Variants in ANKRD44 observed in about 807,000 individuals in gnomAD.
The protein encoded by ANKRD44 is serine/threonine-protein phosphatase 6 regulatory ankyrin repeat subunit B.
Under a neutral mutation model 116.0 loss-of-function variants are expected in ANKRD44, and 35 were observed. The ratio of observed to expected loss-of-function variants is 0.30; its 90% CI spans 0.23 to 0.40. ANKRD44 has a LOEUF of 0.40. ANKRD44 is among the 10% of genes least tolerant of loss of function. The pLI is 1.00. For synonymous variants in ANKRD44, 435 were observed against 461.8 expected (o/e 0.94, Z 0.74); for missense variants, 1,014 against 1,242.6 (o/e 0.82, Z 2.77).
chr2:197,136,358 T>C (rs1044728608), intron 4 of ANKRD44: 12 of 548,322 alleles, frequency 2.2e-5, no homozygotes, highest in Admixed American at 6.3e-5. Context: ...TGAGAACTCA[T>C]TGAAATTCAG....
At position 197,050,323 on chromosome 2, in the gene ANKRD44, G is replaced by A. The variant is rs567570264; in HGVS notation, c.1651-25056C>T. ...AACACTGACCATTACAATTGAACACGAGATTTGAGTGGGGACACATATCCA... is the reference window on the plus strand; with the variant it reads ...AACACTGACCATTACAATTGAACACAAGATTTGAGTGGGGACACATATCCA... On this transcript the variant is annotated intron_variant, in intron 16 of 27. Transcript: ENST00000282272. 4.6e-5 allele frequency among the ~76,000 whole-genome samples: 7 copies of A among 152,172 alleles called. No individual in the cohort carries two copies. The East Asian group carries it at 1.2e-3, about 25-fold the overall frequency.
chr2:197,236,713 C>CAAAAAAAAAAAAAA (rs71012964), intron 1 of ANKRD44, among the ~76,000 whole-genome samples: 7 of 105,232 alleles, frequency 6.7e-5, no homozygotes, highest in African/African-American at 1.6e-4. Context: ...ACAAACTACT[C>CAAAAAAAAAAAAAA]AAAAAAAAAA....
chr2:197,200,412 C>T (rs1321384739), intron 1 of ANKRD44, among the ~76,000 whole-genome samples: 1 of 152,134 alleles, frequency 6.6e-6, no homozygotes. Context: ...TGACTTTAGA[C>T]ATGTATATGC....
intron 19 of ANKRD44, 81 bp from the exon 20 acceptor site, chr2:197,008,004 T>C: frequency 6.4e-6 from 5 of 782,772 alleles, no homozygotes; most frequent in Non-Finnish European, 9.7e-6. Context: ...ACATTCTCTT[T>C]CTCCCATTCT....
intron 16 of ANKRD44, among the ~76,000 whole-genome samples, chr2:197,072,797 G>A (rs981308980): frequency 1.3e-5 from 2 of 152,144 alleles, no homozygotes; most frequent in Admixed American, 6.6e-5. Flanking sequence ...CTGAACCAGC[G>A]AGTCATGGAT....
chr2:197,243,867 T>A (rs1378751025), intron 1 of ANKRD44, among the ~76,000 whole-genome samples: 3 of 152,174 alleles, frequency 2.0e-5, no homozygotes, highest in African/African-American at 7.2e-5. Flanking sequence ...TTTCAACATA[T>A]GAATTTTGGT....
At chr2:196,999,180 C>T (rs1223265345) in intron 23 of ANKRD44, 128 bp from the exon 24 acceptor site, 2 of 1,087,090 alleles carry the variant, frequency 1.8e-6, no homozygotes, top group Non-Finnish European at 2.6e-6. Flanking sequence ...ACATAGTGAT[C>T]AGGTCCCCTC....
At chr2:197,206,058 T>C (rs780152425) in intron 1 of ANKRD44, among the ~76,000 whole-genome samples, 2 of 152,084 alleles carry the variant, frequency 1.3e-5, no homozygotes, top group Non-Finnish European at 2.9e-5. Context: ...GGGTGACATA[T>C]GCAGATGCAC....
At chr2:196,967,986 CCTTCCACCATAACTGTAAG>C (rs752794959) in intron 21 of ANKRD44, among the ~76,000 whole-genome samples, 4 of 151,102 alleles carry the variant, frequency 2.6e-5, no homozygotes, top group Non-Finnish European at 5.9e-5. Context: ...TCTCCTTTTG[CCTTCCACCATAACTGTAAG>C]CTTCCTGAGG....
At chr2:197,265,232 C>CTTT (rs112311831) in intron 1 of ANKRD44, among the ~76,000 whole-genome samples, 1 of 59,546 alleles carries the variant, frequency 1.7e-5, no homozygotes. Flanking sequence ...CACTTTTTTT[C>CTTT]TTTTTTTTTT....
At chr2:197,179,798 A>G (rs1293839201) in intron 2 of ANKRD44, among the ~76,000 whole-genome samples, 1 of 152,232 alleles carries the variant, frequency 6.6e-6, no homozygotes, top group Non-Finnish European at 1.5e-5. Context: ...CTGCCTTTGC[A>G]CATTTTAAAT....
At chr2:197,179,565 T>C (rs1037234653) in intron 2 of ANKRD44, among the ~76,000 whole-genome samples, 2 of 152,230 alleles carry the variant, frequency 1.3e-5, no homozygotes, top group Non-Finnish European at 2.9e-5. Context: ...TACAAAAATG[T>C]CCAGTAATTG....
intron 1 of ANKRD44, among the ~76,000 whole-genome samples, chr2:197,199,749 T>C (rs1303625360): frequency 6.6e-6 from 1 of 152,166 alleles, no homozygotes; most frequent in Non-Finnish European, 1.5e-5. Context: ...CCTGGCTTAT[T>C]TCCCTCTCTT....
chr2:197,303,838 A>C (rs532612840), intron 1 of ANKRD44, among the ~76,000 whole-genome samples: 29 of 152,360 alleles, frequency 1.9e-4, no homozygotes, highest in Admixed American at 5.2e-4. Context: ...AAAAATTATG[A>C]ATATCATAAT....
intron 16 of ANKRD44, among the ~76,000 whole-genome samples, chr2:197,046,600 C>T (rs371642558): frequency 2.0e-5 from 3 of 149,738 alleles, no homozygotes; most frequent in Non-Finnish European, 4.4e-5. Context: ...GAGATGAGAT[C>T]GTGCCACTGC....
chr2:197,234,194 A>G (rs1022245620), intron 1 of ANKRD44, among the ~76,000 whole-genome samples: 1 of 144,430 alleles, frequency 6.9e-6, no homozygotes, highest in Admixed American at 6.9e-5. Context: ...TAAGTCATAG[A>G]TTTTTTTTTT....
intron 2 of ANKRD44, among the ~76,000 whole-genome samples, chr2:197,171,336 T>TA (rs2080229280): frequency 6.6e-6 from 1 of 152,164 alleles, no homozygotes; most frequent in Non-Finnish European, 1.5e-5. Context: ...GCAGTTGTGC[T>TA]AAACACAGCA....
intron 20 of ANKRD44, among the ~76,000 whole-genome samples, chr2:197,006,272 C>A (rs2076200810): frequency 6.6e-6 from 1 of 152,012 alleles, no homozygotes; most frequent in East Asian, 1.9e-4. Context: ...GAAACCCCAT[C>A]TCTACTAAAA....
intron 1 of ANKRD44, among the ~76,000 whole-genome samples, chr2:197,277,054 A>C (rs1352578809): frequency 6.6e-6 from 1 of 151,926 alleles, no homozygotes; most frequent in Non-Finnish European, 1.5e-5. Context: ...CAGCCTCCCA[A>C]GTAGCTGGGA....
Sources: allele counts gnomAD v4.1 joint callset (sites outside exome capture counted in the v4.1 genomes callset), GRCh38; gene constraint gnomAD v4.1.1; transcripts MANE v1.5; gene names NCBI Gene and HGNC (gene_info 2026-07-23, HGNC 2026-07-21).